Variants in MTSS2 observed in about 807,000 individuals in gnomAD.
The protein encoded by MTSS2 is protein MTSS 2.
Under a neutral mutation model 67.1 loss-of-function variants are expected in MTSS2, and 27 were observed. The observed-to-expected ratio is 0.40, with a 90% CI of 0.30 to 0.55. The LOEUF (loss-of-function observed/expected upper bound fraction) is 0.55, where lower values mean the gene tolerates loss of function less well. Among genes scored for constraint, MTSS2 ranks in the 20% least tolerant of loss-of-function variants. The pLI, the probability that MTSS2 is intolerant of heterozygous loss-of-function variation, is 0.43. For missense variants in MTSS2, 1,171 were observed against 1,067.8 expected (o/e 1.10, Z -1.35); for synonymous variants, 624 against 468.6 (o/e 1.33, Z -4.28).
At position 70,663,431 on chromosome 16, in the gene MTSS2, C is replaced by G. The variant is rs565156309; in HGVS notation, c.*246G>C. On this transcript the variant is annotated 3_prime_UTR_variant, in exon 15 of 15. Coordinates refer to ENST00000338779, the MANE Select transcript of MTSS2 (RefSeq NM_138383.3). ...GCCCCAGAGGAGGAAGAGGAGGGAC[C>G]GAAGAGCATAAAACAGACCCCGAAC... is the stretch of plus-strand genomic sequence containing the variant. 3 of 609,578 alleles carry G rather than the reference C, an allele frequency of 4.9e-6. No individual in the cohort carries two copies. Among genetic ancestry groups the G allele is most frequent in the Admixed American group, 3.7e-5 (1 of 26,710 alleles). The allele number at this position is 609,578 out of a possible 1,614,324, so 37.8% of individuals were successfully genotyped here.
Position 70,664,096 on chromosome 16 carries a change from G to T in MTSS2, c.1825C>A (p.Arg609=), listed in dbSNP as rs541609044. ...AAGACGCACTCCTCACTGCCCGCCC[G>T]TGTGGGCCCCATGTAGCCGGGGGAG... ...PDSPGYMGPT[R]AGSEECVFYT... is the part of the protein sequence containing the mutation. The change falls in exon 15 of 15, where the codon CGG becomes AGG. Residue 609 remains arginine, a synonymous_variant. Transcript: ENST00000338779. 2 of 1,611,888 alleles carry T rather than the reference G, an allele frequency of 1.2e-6. No homozygotes were observed. Among genetic ancestry groups the T allele is most frequent in the Non-Finnish European group, 8.5e-7 (1 of 1,179,662 alleles).
Position 70,677,630 on chromosome 16 carries a change from G to C in MTSS2, c.732+162C>G, listed in dbSNP as rs150118885. Reference sequence around the variant, plus strand: ...CATACCCTCCCCGACCTGGGCAGGTGCTCCGGGATGGCCTGCAGTGGGTGT... The same window carrying C: ...CATACCCTCCCCGACCTGGGCAGGTCCTCCGGGATGGCCTGCAGTGGGTGT... On this transcript the variant is annotated intron_variant, in intron 9 of 14. Transcript: ENST00000338779. 6.0e-4 allele frequency among the ~76,000 whole-genome samples: 92 copies of C among 152,314 alleles called. No homozygotes were observed. The East Asian group carries it at 0.013, about 21-fold the overall frequency.
Position 70,662,617 on chromosome 16 carries a change from G to A in MTSS2, c.*1060C>T, listed in dbSNP as rs1033696765. The A allele has an allele frequency of 2.0e-5, 3 of 152,504 alleles. No homozygotes were observed. Among genetic ancestry groups the A allele is most frequent in the Non-Finnish European group, 2.9e-5 (2 of 68,132 alleles). The allele number at this position is 152,504 out of a possible 1,614,324, so 9.4% of individuals were successfully genotyped here. A position where few individuals can be genotyped will look rare whatever the true frequency, so the allele number is the denominator to read the frequency against. ...AGAACAGTAGCTTCCACCGGGCTCTGGGGGAGCCAAGTCCCTCCCTTCTCA... is the reference window on the plus strand; with the variant it reads ...AGAACAGTAGCTTCCACCGGGCTCTAGGGGAGCCAAGTCCCTCCCTTCTCA... On this transcript the variant is annotated 3_prime_UTR_variant, in exon 15 of 15. Coordinates refer to ENST00000338779, the MANE Select transcript of MTSS2 (RefSeq NM_138383.3).
Position 70,679,659 on chromosome 16 carries a change from G to A in MTSS2, c.428C>T (p.Thr143Met). ...GCGCGCCTTCTTCTGCAGCTTCAGC[G>A]TGTCCGACGACTTCTTTTTGATCTC... ...RHEIKKKSSD[T>M]LKLQKKARKE... is the part of the protein sequence containing the mutation. Residue 143 changes from threonine (T) to methionine (M), a missense_variant, in exon 6 of 15, where the codon ACG becomes ATG. By Grantham distance (81) the Thr-to-Met change is moderately conservative. Coordinates refer to ENST00000338779, the MANE Select transcript of MTSS2 (RefSeq NM_138383.3). 6.2e-7 allele frequency: 1 copy of A among 1,609,980 alleles called. No homozygotes were observed. Among genetic ancestry groups the A allele is most frequent in the Admixed American group, 1.7e-5 (1 of 59,578 alleles).
intron 11 of MTSS2, chr16:70,665,770 G>T: frequency 2.2e-6 from 1 of 447,260 alleles, no homozygotes; most frequent in Non-Finnish European, 4.0e-6. Context: ...TGACAGCCCA[G>T]CCCTGCGCAT....
At chr16:70,664,496 G>T in intron 14 of MTSS2, 47 bp from the exon 15 acceptor site, 1 of 1,546,644 alleles carries the variant, frequency 6.5e-7, no homozygotes, top group South Asian at 1.2e-5. Flanking sequence ...GTGGCCCCTT[G>T]CCCCCAGCCC....
At chr16:70,669,905 C>T (rs567764430) in intron 11 of MTSS2, among the ~76,000 whole-genome samples, 4 of 151,984 alleles carry the variant, frequency 2.6e-5, no homozygotes, top group Non-Finnish European at 4.4e-5. Flanking sequence ...TTACTCTGCA[C>T]CCACTAGAAT....
chr16:70,677,583 C>G (rs1383968844), intron 9 of MTSS2, among the ~76,000 whole-genome samples: 2 of 152,196 alleles, frequency 1.3e-5, no homozygotes, highest in Non-Finnish European at 2.9e-5. Context: ...TACTCTGAGT[C>G]TGAGAACGCT....
At chr16:70,667,852 G>T (rs2052775119) in intron 11 of MTSS2, among the ~76,000 whole-genome samples, 1 of 151,958 alleles carries the variant, frequency 6.6e-6, no homozygotes, top group Admixed American at 6.6e-5. Context: ...CAGCCTGGGT[G>T]ACAGAGTGAG....
chr16:70,665,297 G>C, intron 12 of MTSS2, 169 bp downstream of exon 12: 1 of 914,202 alleles, frequency 1.1e-6, no homozygotes, highest in Non-Finnish European at 1.6e-6. Flanking sequence ...GGCTGTGTGG[G>C]CAGTGACTGT....
intron 1 of MTSS2, among the ~76,000 whole-genome samples, chr16:70,684,113 G>C (rs1408700817): frequency 6.6e-6 from 1 of 152,188 alleles, no homozygotes; most frequent in Non-Finnish European, 1.5e-5. Flanking sequence ...CCACTTCCAC[G>C]AGCAAAATCT....
rs537466099 is a variant in MTSS2, at chr16:70,663,095, C to G, written c.*582G>C. 1 of 152,844 alleles carries G rather than the reference C, an allele frequency of 6.5e-6. No individual in the cohort carries two copies. The highest frequency in any genetic ancestry group is 2.4e-5 in the African/African-American group (1 of 41,452). The allele number at this position is 152,844 out of a possible 1,614,324, so 9.5% of individuals were successfully genotyped here. ...TGGGCCCTGGAACTCCCTTCCCACA[C>G]GGGGGGCCTGGCCGCCCAACTCCAA... On this transcript the variant is annotated 3_prime_UTR_variant, in exon 15 of 15. Transcript: ENST00000338779.
Position 70,664,090 on chromosome 16 carries a change from C to T in MTSS2, c.1831G>A (p.Gly611Ser). ...SPGYMGPTRA[G>S]SEECVFYTDE... ...GTATAGAAGACGCACTCCTCACTGC[C>T]CGCCCGTGTGGGCCCCATGTAGCCG... The change falls in exon 15 of 15, where the codon GGC becomes AGC. Residue 611 changes from glycine (G) to serine (S), a missense_variant. Physicochemically the swap from Gly to Ser is moderately conservative, Grantham distance 56. This residue lies in a region of MTSS2 where 924 missense variants were observed against 756.0 expected (regional missense o/e 1.22). Coordinates refer to ENST00000338779, the MANE Select transcript of MTSS2 (RefSeq NM_138383.3). The T allele has an allele frequency of 6.2e-7, 1 of 1,611,892 alleles. No homozygotes were observed. The highest frequency in any genetic ancestry group is 8.5e-7 in the Non-Finnish European group (1 of 1,179,624).
At chr16:70,672,531 A>G (rs1458182038) in intron 11 of MTSS2, among the ~76,000 whole-genome samples, 1 of 151,932 alleles carries the variant, frequency 6.6e-6, no homozygotes, top group Non-Finnish European at 1.5e-5. Context: ...GTGGTTACAT[A>G]AAGTAAGATG....
At position 70,680,909 on chromosome 16, in the gene MTSS2, G is replaced by GGC. The variant is rs745680705; in HGVS notation, c.132-43_132-42insGC. 70 of 1,053,178 alleles carry GGC rather than the reference G, an allele frequency of 6.6e-5. 1 individual carries two copies. In the African/African-American group the frequency reaches 9.5e-4, roughly 14 times the overall value. 65.2% of individuals were successfully genotyped at this position (1,053,178 alleles called of 1,614,324 possible). A position where few individuals can be genotyped will look rare whatever the true frequency, so the allele number is the denominator to read the frequency against. ...CGGCATGGATGGTCGGTGGTTGGGC[G>GGC]GGGGGGGGGCCTCTGCCTGCCCCTC... On this transcript the variant is annotated intron_variant, in intron 2 of 14. Coordinates refer to ENST00000338779, the MANE Select transcript of MTSS2 (RefSeq NM_138383.3).
chr16:70,663,953 G>C lies in MTSS2; in HGVS notation c.1968C>G (p.Pro656=), dbSNP rs772453635. Residue 656 remains proline (P), a synonymous_variant, in exon 15 of 15, where the codon CCC becomes CCG. Transcript: ENST00000338779. ...GCTGCTCGTCCTCGGCCCCTGCCCC[G>C]GGGTACCCGGCTGCCTCTGGGGATG... The part of the protein sequence containing the change: ...GSPSPEAAGY[P]GAGAEDEQQQ... 6.4e-7 allele frequency: 1 copy of C among 1,562,534 alleles called. No individual in the cohort carries two copies. Among genetic ancestry groups the C allele is most frequent in the Non-Finnish European group, 8.7e-7 (1 of 1,155,930 alleles).
chr16:70,663,502 G>C lies in MTSS2; in HGVS notation c.*175C>G. ...CCGTCCTGGCCAGGCTTGCTAAGAA[G>C]TCACTTCCTGTTTAAATGCTGGAAT... On this transcript the variant is annotated 3_prime_UTR_variant, in exon 15 of 15. Coordinates refer to ENST00000338779, the MANE Select transcript of MTSS2 (RefSeq NM_138383.3). 7.9e-7 allele frequency: 1 copy of C among 1,262,390 alleles called. No homozygotes were observed. Among genetic ancestry groups the C allele is most frequent in the Non-Finnish European group, 1.1e-6 (1 of 949,902 alleles). The allele number at this position is 1,262,390 out of a possible 1,614,324, so 78.2% of individuals were successfully genotyped here. A position where few individuals can be genotyped will look rare whatever the true frequency, so the allele number is the denominator to read the frequency against.
At chr16:70,672,792 T>C (rs1175206390) in intron 11 of MTSS2, among the ~76,000 whole-genome samples, 1 of 151,108 alleles carries the variant, frequency 6.6e-6, no homozygotes, top group African/African-American at 2.4e-5. Flanking sequence ...ATGCCTAAGA[T>C]AGAAAGAGAG....
At position 70,661,282 on chromosome 16, in the gene MTSS2, TCGGGGAGGATGGTGTGGAGGGGG is replaced by T. The variant is rs2052454817; in HGVS notation, c.*2372_*2394del. On this transcript the variant is annotated 3_prime_UTR_variant, in exon 15 of 15. Transcript: ENST00000338779. ...ACTTGTAGCAGTGACTATATTTAAA[TCGGGGAGGATGGTGTGGAGGGGG>T]CGGGGAGGAGAGGAGAATTTTTCCA... 3 of 450,086 alleles carry T rather than the reference TCGGGGAGGATGGTGTGGAGGGGG, an allele frequency of 6.7e-6. No individual in the cohort carries two copies. In the Admixed American group the frequency reaches 7.2e-5, roughly 11 times the overall value. The allele number at this position is 450,086 out of a possible 1,614,324, so 27.9% of individuals were successfully genotyped here.
Sources: gnomAD v4.1 joint callset for allele counts (sites outside exome capture counted in the v4.1 genomes callset) on GRCh38, gnomAD v4.1.1 for gene constraint, gnomAD v4.1.1 regional missense constraint, MANE v1.5 for transcripts, NCBI Gene and HGNC (gene_info 2026-07-23, HGNC 2026-07-21) for gene names.